EIF4G1: variants seen among roughly 807,000 people sequenced by gnomAD.
EIF4G1 encodes the protein EIF4-gamma.
In EIF4G1, 4 loss-of-function variants were observed where a neutral mutation model predicts 187.8. The observed-to-expected ratio is 0.02, with a 90% CI of 0.01 to 0.05. The LOEUF is 0.05. Among genes scored for constraint, EIF4G1 ranks in the 10% least tolerant of loss-of-function variants. EIF4G1 has a pLI of 1.00. For missense variants in EIF4G1, 1,647 were observed against 2,081.1 expected (o/e 0.79, Z 4.06); for synonymous variants, 844 against 781.4 (o/e 1.08, Z -1.34).
At chr3:184,316,353 G>A (rs1196330530) in intron 4 of EIF4G1, 135 bp downstream of exon 4, 3 of 1,182,770 alleles carry the variant, frequency 2.5e-6, no homozygotes, top group Non-Finnish European at 2.4e-6. Context: ...GCGGCTCTGC[G>A]CCTTGCCCTG....
intron 4 of EIF4G1, chr3:184,316,779 T>TA: frequency 3.2e-6 from 5 of 1,578,612 alleles, no homozygotes; most frequent in Non-Finnish European, 4.3e-6. Context: ...GTCTCATCCT[T>TA]ACCCTCCACC....
intron 28 of EIF4G1, 142 bp from the exon 29 acceptor site, chr3:184,331,124 A>G (rs554601652): frequency 3.6e-5 from 32 of 887,574 alleles, no homozygotes; most frequent in African/African-American, 4.9e-5. Context: ...GGCTTTGCCT[A>G]TTAGTATTTC....
rs550262565 is a variant in EIF4G1, at chr3:184,328,978, G to C, written c.4149G>C (p.Leu1383=). ...TGTTGCTGGAGATCCTGGGCCTCCT[G>C]TGCAAAAGCATGGTGAGTGAGGGCC... ...ASLLLEILGL[L]CKSMGPKKVG... is the part of the protein sequence containing the mutation. The change falls in exon 28 of 33, where the codon CTG becomes CTC. Residue 1383 remains leucine, a synonymous_variant. Transcript: ENST00000346169. 7 of 1,614,074 alleles carry C rather than the reference G, an allele frequency of 4.3e-6. No homozygotes were observed. Among genetic ancestry groups the C allele is most frequent in the Non-Finnish European group, 5.9e-6 (7 of 1,180,052 alleles).
At position 184,320,932 on chromosome 3, in the gene EIF4G1, A is replaced by AGGC. The variant is rs1247303527; in HGVS notation, c.639_641dup (p.Gly214dup). ...TAACCCTTTGTGTCCTGCAGACGGGAGGCGGTCTGGAGCCTCAAGCTAATG... is the reference window on the plus strand; with the variant it reads ...TAACCCTTTGTGTCCTGCAGACGGGAGGCGGCGGTCTGGAGCCTCAAGCTAATG... On this transcript the variant is annotated inframe_insertion, in exon 9 of 33. Coordinates refer to ENST00000346169, the MANE Select transcript of EIF4G1 (RefSeq NM_198241.3). 7 of 1,614,072 alleles carry AGGC rather than the reference A, an allele frequency of 4.3e-6. No homozygotes were observed. The highest frequency in any genetic ancestry group is 1.3e-5 in the African/African-American group (1 of 74,930).
rs1577274937 is a variant in EIF4G1 at position 184,334,875 on chromosome 3, C to T, written c.4767C>T (p.Leu1589=). ...CTGTCACAGCCTTCTTCAAGTGGCT[C>T]CGTGAAGCAGAGGAGGAGTCTGACC... ...LKSVTAFFKW[L]REAEEESDHN Residue 1589 remains leucine, a synonymous_variant, in exon 33 of 33, where the codon CTC becomes CTT. Coordinates refer to ENST00000346169, the MANE Select transcript of EIF4G1 (RefSeq NM_198241.3). This position sits in a 1 kb window ranked among gnomAD's most constrained non-coding sequence, Gnocchi z 5.8. The T allele has an allele frequency of 6.2e-7, 1 of 1,614,176 alleles. No individual in the cohort carries two copies. Among genetic ancestry groups the T allele is most frequent in the African/African-American group, 1.3e-5 (1 of 75,030 alleles).
At chr3:184,318,249 C>G (rs1004991795) in intron 6 of EIF4G1, among the ~76,000 whole-genome samples, 5 of 152,154 alleles carry the variant, frequency 3.3e-5, no homozygotes, top group African/African-American at 1.2e-4. Flanking sequence ...GTATGAATCT[C>G]TCATACATGT....
chr3:184,317,688 C>T lies in EIF4G1; in HGVS notation c.325-29C>T, dbSNP rs201488213. The T allele has an allele frequency of 9.1e-4, 1,455 of 1,597,336 alleles. 1 individual carries two copies. The highest frequency in any genetic ancestry group is 9.9e-4 in the Non-Finnish European group (1,151 of 1,165,014). Reference sequence around the variant, plus strand: ...ATGGAACTCATAGCTCCCTCAACTCCTTCTCTCCCTCTCCCCCTTCCCCAC... The same window carrying T: ...ATGGAACTCATAGCTCCCTCAACTCTTTCTCTCCCTCTCCCCCTTCCCCAC... On this transcript the variant is annotated intron_variant, in intron 5 of 32. Transcript: ENST00000346169.
rs140462032 is a variant in EIF4G1, at chr3:184,316,333, G to A, written c.147+115G>A. ...CCCATACCTGGCCTTAATCCTCTGT[G>A]TTCTTTCATGCGGCTCTGCGCCTTG... On this transcript the variant is annotated intron_variant, in intron 4 of 32. Transcript: ENST00000346169. 289 of 1,341,550 alleles carry A rather than the reference G, an allele frequency of 2.2e-4. No homozygotes were observed. The East Asian group carries it at 6.3e-3, about 29-fold the overall frequency. 83.1% of individuals were successfully genotyped at this position (1,341,550 alleles called of 1,614,324 possible).
intron 28 of EIF4G1, among the ~76,000 whole-genome samples, chr3:184,330,386 A>T (rs1725817610): frequency 6.6e-6 from 1 of 152,140 alleles, no homozygotes; most frequent in Non-Finnish European, 1.5e-5. Flanking sequence ...CTCAAAATAA[A>T]AAAAGATATA....
At chr3:184,319,180 T>G (rs1723333286) in intron 6 of EIF4G1, 1 of 154,736 alleles carries the variant, frequency 6.5e-6, no homozygotes, top group Admixed American at 6.4e-5. Flanking sequence ...TAATGTTACT[T>G]TGTTTCTTTG....
At chr3:184,318,567 CAT>C (rs770659738) in intron 6 of EIF4G1, among the ~76,000 whole-genome samples, 1 of 152,152 alleles carries the variant, frequency 6.6e-6, no homozygotes, top group Non-Finnish European at 1.5e-5. Flanking sequence ...GCCTGGCCAA[CAT>C]AGTGAAGCTC....
In EIF4G1 at chr3:184,322,536, T is replaced by G; in HGVS notation, c.1609-8T>G. 1 of 1,614,094 alleles carries G rather than the reference T, an allele frequency of 6.2e-7. No individual in the cohort carries two copies. The highest frequency in any genetic ancestry group is 8.5e-7 in the Non-Finnish European group (1 of 1,180,000). ...CTGCAACCAAAACTGGATGTTCTGT[T>G]GTTCTAGGCGAACCCGGCAGTACCA... On this transcript the variant is annotated splice_region_variant and splice_polypyrimidine_tract_variant and intron_variant, in intron 11 of 32. Transcript: ENST00000346169.
In EIF4G1 at chr3:184,325,461, T is replaced by A; in HGVS notation, c.2962-19T>A. On this transcript the variant is annotated intron_variant, in intron 19 of 32. Coordinates refer to ENST00000346169, the MANE Select transcript of EIF4G1 (RefSeq NM_198241.3). This position sits in a 1 kb window ranked among gnomAD's most constrained non-coding sequence, Gnocchi z 5.2. ...TTGCCTTCCCTGACATCATCGTGAC[T>A]GGCCCTCTGTCTCCACAGAGCAATT... 1 of 1,614,182 alleles carries A rather than the reference T, an allele frequency of 6.2e-7. No individual in the cohort carries two copies. Among genetic ancestry groups the A allele is most frequent in the Non-Finnish European group, 8.5e-7 (1 of 1,180,040 alleles).
rs556661257 is a variant in EIF4G1 at position 184,321,071 on chromosome 3, T to A, written c.697+78T>A. The stretch of plus-strand genomic sequence containing the variant: ...TAAATGCTGAGGTGGTGGAGTGACT[T>A]GAACTGGGTACCAGAGAATGATGAC... On this transcript the variant is annotated intron_variant, in intron 9 of 32. Coordinates refer to ENST00000346169, the MANE Select transcript of EIF4G1 (RefSeq NM_198241.3). 216 of 1,557,400 alleles carry A rather than the reference T, an allele frequency of 1.4e-4. 1 individual carries two copies. The East Asian group carries it at 4.2e-3, about 30-fold the overall frequency.
Position 184,315,942 on chromosome 3 carries a change from A to C in EIF4G1, c.60+86A>C. ...GGATCTTCCTACCCCCATCTGTGTC[A>C]GGGCAAAGTGCAGCCGCCTGCTGCC... On this transcript the variant is annotated intron_variant, in intron 3 of 32. Coordinates refer to ENST00000346169, the MANE Select transcript of EIF4G1 (RefSeq NM_198241.3). The C allele has an allele frequency of 2.0e-6, 3 of 1,510,226 alleles. No homozygotes were observed. The South Asian group carries it at 3.7e-5, about 19-fold the overall frequency. The allele number at this position is 1,510,226 out of a possible 1,614,324, so 93.6% of individuals were successfully genotyped here.
chr3:184,315,928 C>T, intron 3 of EIF4G1, 72 bp downstream of exon 3: 1 of 1,424,434 alleles, frequency 7.0e-7, no homozygotes, highest in Non-Finnish European at 9.4e-7. Context: ...GATCTTCCTA[C>T]CCCCATCTGT....
chr3:184,320,991 C>T lies in EIF4G1; in HGVS notation c.695C>T (p.Pro232Leu), dbSNP rs1189944680. ...CCCCAGGTTGCTGTCATTGTCCGGC[C>T]AGGTAAGTAAGCCGGTGGGACGGAG... ...ETPQVAVIVR[P>L]DDRSQGAIIA... The change falls in exon 9 of 33, where the codon CCA becomes CTA. Residue 232 changes from proline to leucine, a missense_variant and splice_region_variant. Pro to Leu is a moderately conservative substitution (Grantham distance 98). This residue lies in a region of EIF4G1 where 522 missense variants were observed against 485.2 expected (regional missense o/e 1.08). Coordinates refer to ENST00000346169, the MANE Select transcript of EIF4G1 (RefSeq NM_198241.3). 8.1e-6 allele frequency: 13 copies of T among 1,613,762 alleles called. No individual in the cohort carries two copies. The highest frequency in any genetic ancestry group is 1.1e-5 in the Non-Finnish European group (13 of 1,179,988).
In EIF4G1 at chr3:184,331,465, AT is replaced by A; in HGVS notation, c.4261-5del. On this transcript the variant is annotated splice_region_variant and splice_polypyrimidine_tract_variant and intron_variant, in intron 29 of 32. Transcript: ENST00000346169. The stretch of plus-strand genomic sequence containing the variant: ...TACCTCTTAACTGCGGGCCTTTTCC[AT>A]TGCAGAAGGTGGAGTATACCCTGGG... 6.2e-7 allele frequency: 1 copy of A among 1,614,144 alleles called. No homozygotes were observed. Among genetic ancestry groups the A allele is most frequent in the African/African-American group, 1.3e-5 (1 of 75,030 alleles).
rs766641621 is a variant in EIF4G1, at chr3:184,325,449, C to T, written c.2962-31C>T. 16 of 1,614,198 alleles carry T rather than the reference C, an allele frequency of 9.9e-6. No individual in the cohort carries two copies. Among genetic ancestry groups the T allele is most frequent in the Non-Finnish European group, 1.4e-5 (16 of 1,180,044 alleles). Reference sequence around the variant, plus strand: ...CACTGCCTTGTCTTGCCTTCCCTGACATCATCGTGACTGGCCCTCTGTCTC... The same window carrying T: ...CACTGCCTTGTCTTGCCTTCCCTGATATCATCGTGACTGGCCCTCTGTCTC... On this transcript the variant is annotated intron_variant, in intron 19 of 32. Coordinates refer to ENST00000346169, the MANE Select transcript of EIF4G1 (RefSeq NM_198241.3). This position sits in a 1 kb window ranked among gnomAD's most constrained non-coding sequence, Gnocchi z 5.2.
Sources: gnomAD v4.1 joint callset for allele counts (sites outside exome capture counted in the v4.1 genomes callset) on GRCh38, gnomAD v4.1.1 for gene constraint, gnomAD v4.1.1 regional missense constraint, Gnocchi (gnomAD v3.1) non-coding constraint, MANE v1.5 for transcripts, NCBI Gene and HGNC (gene_info 2026-07-23, HGNC 2026-07-21) for gene names.